Variants in CHCHD6 observed in about 807,000 individuals in gnomAD.
CHCHD6 encodes the protein MICOS complex subunit MIC25.
A neutral mutation model predicts 32.3 loss-of-function variants in CHCHD6; 28 were observed. The observed-to-expected ratio is 0.87, with a 90% CI of 0.64 to 1.19. The LOEUF is 1.19. Ranked by LOEUF, CHCHD6 falls within the 50% of genes most tolerant of loss-of-function variation. The pLI is 0.00. For synonymous variants in CHCHD6, 122 were observed against 117.5 expected, an observed-to-expected ratio of 1.04 and a Z score of -0.25; for missense variants, 333 against 307.0, an observed-to-expected ratio of 1.08 and a Z score of -0.63.
chr3:126,798,710 G>C (rs181293005), intron 4 of CHCHD6, among the ~76,000 whole-genome samples: 30 of 152,272 alleles, frequency 2.0e-4, no homozygotes, highest in Admixed American at 7.2e-4. Context: ...CTTCTGGTCG[G>C]AGAGGACCTT....
At chr3:126,776,996 C>T (rs1937679092) in intron 4 of CHCHD6, among the ~76,000 whole-genome samples, 1 of 152,142 alleles carries the variant, frequency 6.6e-6, no homozygotes, top group Non-Finnish European at 1.5e-5. Context: ...TATTGCCTCC[C>T]TGCCGCTCTA....
chr3:126,847,193 C>T (rs1273796249), intron 4 of CHCHD6, among the ~76,000 whole-genome samples: 1 of 152,118 alleles, frequency 6.6e-6, no homozygotes, highest in Non-Finnish European at 1.5e-5. Context: ...GTGCCTCTGC[C>T]CTAAGGTCTT....
At chr3:126,822,152 A>G (rs185441644) in intron 4 of CHCHD6, among the ~76,000 whole-genome samples, 5 of 152,250 alleles carry the variant, frequency 3.3e-5, no homozygotes, top group Admixed American at 3.3e-4. Flanking sequence ...GTTTAAGGTC[A>G]TGAAGAGGGA....
In CHCHD6 at chr3:126,957,435, G is replaced by A. The variant is rs147458095; in HGVS notation, c.586G>A (p.Val196Ile). The change falls in exon 7 of 8, where the codon GTC becomes ATC. Residue 196 changes from valine (V) to isoleucine (I), a missense_variant. By Grantham distance (29) the Val-to-Ile change is conservative. Transcript: ENST00000290913. ...CTGCAGGCCCCGCAGGGTGGAGCCC[G>A]TCTGCTCAGGGTTGCAGGCCCAGAT... ...STIKPRRVEPVCSGLQAQILH... is the reference protein window; with the variant it reads ...STIKPRRVEPICSGLQAQILH... 1.3e-3 allele frequency: 2,029 copies of A among 1,611,418 alleles called. 18 individuals are homozygous for A. The African/African-American group carries it at 0.023, about 18-fold the overall frequency.
intron 6 of CHCHD6, among the ~76,000 whole-genome samples, chr3:126,945,254 G>A (rs557060742): frequency 1.4e-4 from 21 of 152,130 alleles, no homozygotes; most frequent in African/African-American, 5.1e-4. Flanking sequence ...TGGGAGCTCT[G>A]ACCTTCAGGA....
chr3:126,811,773 A>C (rs1939664656), intron 4 of CHCHD6, among the ~76,000 whole-genome samples: 1 of 152,210 alleles, frequency 6.6e-6, no homozygotes, highest in African/African-American at 2.4e-5. Context: ...CCTTCCTCAA[A>C]GGGACTTTAT....
chr3:126,797,784 G>A (rs1457800579), intron 4 of CHCHD6, among the ~76,000 whole-genome samples: 4 of 152,140 alleles, frequency 2.6e-5, no homozygotes, highest in African/African-American at 4.8e-5. Context: ...TCTAACACAC[G>A]TGCTCCCTCA....
chr3:126,753,355 C>T (rs984009828), intron 4 of CHCHD6, among the ~76,000 whole-genome samples: 2 of 152,146 alleles, frequency 1.3e-5, no homozygotes, highest in African/African-American at 2.4e-5. Flanking sequence ...GGAGCTGTGC[C>T]GTCCTTTTGC....
intron 5 of CHCHD6, among the ~76,000 whole-genome samples, chr3:126,895,303 T>C (rs2077822768): frequency 6.6e-6 from 1 of 152,222 alleles, no homozygotes; most frequent in African/African-American, 2.4e-5. Context: ...AGGATTCCTC[T>C]GAGAGCTATT....
intron 4 of CHCHD6, among the ~76,000 whole-genome samples, chr3:126,810,813 G>A (rs1386698120): frequency 6.6e-6 from 1 of 152,178 alleles, no homozygotes. Flanking sequence ...TCATACTACC[G>A]TGTAAATGGT....
intron 4 of CHCHD6, among the ~76,000 whole-genome samples, chr3:126,826,166 G>C (rs1940383994): frequency 6.6e-6 from 1 of 152,176 alleles, no homozygotes; most frequent in Admixed American, 6.5e-5. Context: ...TCCAGAAGAG[G>C]ATTTGGCTTC....
chr3:126,874,122 C>T (rs1431512289), intron 5 of CHCHD6, among the ~76,000 whole-genome samples: 1 of 152,124 alleles, frequency 6.6e-6, no homozygotes, highest in Non-Finnish European at 1.5e-5. Flanking sequence ...TATGAAGTGC[C>T]GTCCCAGGAA....
At chr3:126,871,433 C>T (rs2077468595) in intron 5 of CHCHD6, among the ~76,000 whole-genome samples, 1 of 152,112 alleles carries the variant, frequency 6.6e-6, no homozygotes, top group African/African-American at 2.4e-5. Context: ...ACTTCCTCCA[C>T]AGCCCCACTG....
intron 5 of CHCHD6, among the ~76,000 whole-genome samples, chr3:126,893,070 G>A (rs1054992260): frequency 1.3e-5 from 2 of 152,074 alleles, no homozygotes; most frequent in African/African-American, 4.8e-5. Flanking sequence ...CTGGGTTCAA[G>A]TGATTCTCCT....
chr3:126,951,089 A>T (rs1488420970), intron 6 of CHCHD6, among the ~76,000 whole-genome samples: 2 of 152,186 alleles, frequency 1.3e-5, no homozygotes, highest in Non-Finnish European at 2.9e-5. Context: ...TAATTGGATT[A>T]TGGGGGTGGT....
chr3:126,924,267 T>C (rs1008983990), intron 6 of CHCHD6, among the ~76,000 whole-genome samples: 1 of 152,184 alleles, frequency 6.6e-6, no homozygotes, highest in Non-Finnish European at 1.5e-5. Flanking sequence ...TTATGTGATA[T>C]AGAGAAAATG....
intron 5 of CHCHD6, among the ~76,000 whole-genome samples, chr3:126,895,414 C>T (rs2077824435): frequency 6.6e-6 from 1 of 152,164 alleles, no homozygotes; most frequent in Non-Finnish European, 1.5e-5. Context: ...CTGTGTCCAT[C>T]ATTCTGGGCT....
chr3:126,775,322 T>C (rs958768787), intron 4 of CHCHD6, among the ~76,000 whole-genome samples: 1 of 152,212 alleles, frequency 6.6e-6, no homozygotes. Context: ...TATTAATTTT[T>C]GTTTCTTTGG....
chr3:126,753,308 T>C (rs1936808254), intron 4 of CHCHD6, among the ~76,000 whole-genome samples: 2 of 152,184 alleles, frequency 1.3e-5, no homozygotes, highest in Admixed American at 1.3e-4. Context: ...ATGGTCATGC[T>C]TGCTTGTTTC....
Sources: gnomAD v4.1 joint callset for allele counts (sites outside exome capture counted in the v4.1 genomes callset) on GRCh38, gnomAD v4.1.1 for gene constraint, MANE v1.5 for transcripts, NCBI Gene and HGNC (gene_info 2026-07-23, HGNC 2026-07-21) for gene names.